The following DMXL2 variants were observed in gnomAD, a reference collection of about 807,000 sequenced individuals.
DMXL2 encodes the protein Dmx like 2, also known as dmX-like protein 2.
In DMXL2, 103 loss-of-function variants were observed where a neutral mutation model predicts 331.1. That is an observed-to-expected ratio of 0.31 (90% CI 0.27 to 0.37). The LOEUF (loss-of-function observed/expected upper bound fraction) is 0.37, where lower values mean the gene tolerates loss of function less well. Ranked by LOEUF, DMXL2 falls within the 10% of genes least tolerant of loss-of-function variation. The probability of loss-of-function intolerance (pLI) is 1.00; values close to 1 mark genes in which losing one functional copy is unlikely to be tolerated. For synonymous variants in DMXL2, 1,281 were observed against 1,252.1 expected, an observed-to-expected ratio of 1.02 and a Z score of -0.49; for missense variants, 3,171 against 3,642.9, an observed-to-expected ratio of 0.87 and a Z score of 3.33.
chr15:51,477,776 C>T (rs933077276), intron 26 of DMXL2, among the ~76,000 whole-genome samples: 1 of 152,014 alleles, frequency 6.6e-6, no homozygotes, highest in African/African-American at 2.4e-5. Flanking sequence ...TAGAAAAATT[C>T]AATCCATTTC....
At chr15:51,493,969 C>T (rs2042983681) in intron 19 of DMXL2, among the ~76,000 whole-genome samples, 1 of 152,036 alleles carries the variant, frequency 6.6e-6, no homozygotes, top group Admixed American at 6.6e-5. Context: ...TGTATACAAA[C>T]TTCTGGGAAT....
At chr15:51,529,895 A>C (rs1157963800) in intron 13 of DMXL2, among the ~76,000 whole-genome samples, 1 of 152,222 alleles carries the variant, frequency 6.6e-6, no homozygotes, top group Non-Finnish European at 1.5e-5. Flanking sequence ...TATGATTAAA[A>C]TGATTAAAAG....
chr15:51,555,009 T>G (rs553781650), intron 6 of DMXL2, among the ~76,000 whole-genome samples: 81 of 152,132 alleles, frequency 5.3e-4, no homozygotes, highest in African/African-American at 1.9e-3. Flanking sequence ...AATACAAAAA[T>G]TAGCCAGGTG....
chr15:51,517,394 G>T (rs2047094370), intron 13 of DMXL2, among the ~76,000 whole-genome samples: 1 of 152,162 alleles, frequency 6.6e-6, no homozygotes, highest in Admixed American at 6.5e-5. Context: ...ATAACTTCAA[G>T]GTATCATATC....
chr15:51,621,770 TAAA>T (rs1422077231), intron 1 of DMXL2, among the ~76,000 whole-genome samples: 2 of 152,254 alleles, frequency 1.3e-5, no homozygotes, highest in Non-Finnish European at 2.9e-5. Context: ...CCTTACAGAT[TAAA>T]ATATTATCTA....
At chr15:51,536,993 C>T in intron 11 of DMXL2, 131 bp from the exon 12 acceptor site, 1 of 763,366 alleles carries the variant, frequency 1.3e-6, no homozygotes, top group Non-Finnish European at 2.1e-6. Flanking sequence ...ATGGTCCAGT[C>T]CCCTTGCTCT....
At chr15:51,485,987 G>C in intron 23 of DMXL2, 86 bp downstream of exon 23, 1 of 1,375,710 alleles carries the variant, frequency 7.3e-7, no homozygotes, top group Non-Finnish European at 9.7e-7. Flanking sequence ...ATCTGGTAAT[G>C]ATTTTTCTTA....
intron 6 of DMXL2, among the ~76,000 whole-genome samples, chr15:51,556,629 C>T (rs763717466): frequency 2.0e-5 from 3 of 151,306 alleles, no homozygotes; most frequent in African/African-American, 7.3e-5. Flanking sequence ...AAAAATTAAC[C>T]GGCATGGTGA....
intron 16 of DMXL2, among the ~76,000 whole-genome samples, chr15:51,505,038 G>C (rs934740212): frequency 3.9e-5 from 6 of 152,168 alleles, no homozygotes; most frequent in African/African-American, 1.4e-4. Context: ...TTAGTAAACT[G>C]GGGATAATAT....
rs779845114 is a variant in DMXL2, at chr15:51,486,341, C to CA, written c.5218-5dup. 6.4e-7 allele frequency: 1 copy of CA among 1,564,638 alleles called. No individual in the cohort carries two copies. Among genetic ancestry groups the CA allele is most frequent in the South Asian group, 1.1e-5 (1 of 88,410 alleles). ...CTTCCATTTTTTCAAGACATACCTG[C>CA]AAATTTAAATATTAATACTTATCTT... On this transcript the variant is annotated splice_region_variant and splice_polypyrimidine_tract_variant and intron_variant, in intron 22 of 43. Transcript: ENST00000560891.
At chr15:51,549,579 G>C (rs2140955440) in intron 6 of DMXL2, among the ~76,000 whole-genome samples, 1 of 152,256 alleles carries the variant, frequency 6.6e-6, no homozygotes. Flanking sequence ...CCCAACATCA[G>C]TGTAAAAGTG....
At chr15:51,495,201 T>A in intron 18 of DMXL2, 67 bp from the exon 19 acceptor site, 1 of 931,646 alleles carries the variant, frequency 1.1e-6, no homozygotes, top group South Asian at 1.5e-5. Context: ...TGATAAGCTA[T>A]AAAACAAACA....
rs746493304 is a variant in DMXL2 at position 51,500,083 on chromosome 15, A to G, written c.3141T>C (p.His1047=). ...CNKSDEKEIY[H]WKRWPLMNDE... Reference sequence around the variant, plus strand: ...CATTCATCAAAGGCCATCTCTTCCAATGATAAATTTCTTTCTCATCACTTT... The same window carrying G: ...CATTCATCAAAGGCCATCTCTTCCAGTGATAAATTTCTTTCTCATCACTTT... The change falls in exon 18 of 44, where the codon CAT becomes CAC. Residue 1047 remains histidine (H), a synonymous_variant. Coordinates refer to ENST00000560891, the MANE Select transcript of DMXL2 (RefSeq NM_001378457.1). The G allele has an allele frequency of 5.0e-6, 8 of 1,614,166 alleles. No homozygotes were observed. The highest frequency in any genetic ancestry group is 1.7e-5 in the Admixed American group (1 of 60,016).
chr15:51,594,453 A>G (rs2052635103), intron 1 of DMXL2, among the ~76,000 whole-genome samples: 1 of 152,254 alleles, frequency 6.6e-6, no homozygotes, highest in Non-Finnish European at 1.5e-5. Context: ...ATCCAGGACC[A>G]GATGGATTCA....
chr15:51,455,970 G>T, intron 39 of DMXL2, 96 bp downstream of exon 39: 1 of 1,401,906 alleles, frequency 7.1e-7, no homozygotes, highest in Non-Finnish European at 9.9e-7. Context: ...TAAATCCAGG[G>T]TCACTGAATT....
At chr15:51,589,348 T>C (rs919419418) in intron 1 of DMXL2, among the ~76,000 whole-genome samples, 4 of 152,230 alleles carry the variant, frequency 2.6e-5, no homozygotes, top group African/African-American at 7.2e-5. Flanking sequence ...AACAAAGCAG[T>C]TGATACTACC....
chr15:51,470,985 TGAC>T (rs2041053225), intron 29 of DMXL2, among the ~76,000 whole-genome samples: 2 of 152,220 alleles, frequency 1.3e-5, no homozygotes, highest in Non-Finnish European at 2.9e-5. Flanking sequence ...TGTAATAAGC[TGAC>T]TTCTAATTTA....
In DMXL2 at chr15:51,486,150, T is replaced by C. The variant is rs566827461; in HGVS notation, c.5405A>G (p.Tyr1802Cys). 32 of 1,614,042 alleles carry C rather than the reference T, an allele frequency of 2.0e-5. 1 individual carries two copies. The highest frequency in any genetic ancestry group is 1.6e-4 in the East Asian group (7 of 44,868). ...TCGGGTGTAATCTTTCATTACCCAA[T>C]AGGCAAGACTACGCAGGAAAGGATC... is the stretch of plus-strand genomic sequence containing the variant. ...HPDPFLRSLA[Y>C]WVMKDYTRAL... is the part of the protein sequence containing the mutation. Residue 1802 changes from tyrosine to cysteine, a missense_variant, in exon 23 of 44, where the codon TAT becomes TGT. Physicochemically the swap from Tyr to Cys is radical, Grantham distance 194. Transcript: ENST00000560891.
chr15:51,519,218 G>A (rs1228486513), intron 13 of DMXL2, among the ~76,000 whole-genome samples: 3 of 151,854 alleles, frequency 2.0e-5, no homozygotes, highest in Non-Finnish European at 4.4e-5. Flanking sequence ...CTGGGCTCAA[G>A]TGGTCCTCCT....
Sources: gnomAD v4.1 joint callset for allele counts (sites outside exome capture counted in the v4.1 genomes callset) on GRCh38, gnomAD v4.1.1 for gene constraint, MANE v1.5 for transcripts, NCBI Gene and HGNC (gene_info 2026-07-23, HGNC 2026-07-21) for gene names.